The following TMEM100 variants were observed in gnomAD, a reference collection of about 807,000 sequenced individuals.
TMEM100 encodes the protein transmembrane protein 100.
For missense variants in TMEM100, 137 were observed against 168.2 expected (o/e 0.81, Z 1.02); for synonymous variants, 61 against 67.1 (o/e 0.91, Z 0.44).
chr17:55,720,431 T>C lies in TMEM100; in HGVS notation c.*235A>G. On this transcript the variant is annotated 3_prime_UTR_variant, in exon 2 of 2. Coordinates refer to ENST00000424486, the MANE Select transcript of TMEM100 (RefSeq NM_018286.3). ...CTCCCATGACCCCCAAAGTGTTTCA[T>C]GTAAATAGAAAGCTGATTTTTCAGT... The C allele has an allele frequency of 1.8e-6, 1 of 555,302 alleles. No homozygotes were observed. Among genetic ancestry groups the C allele is most frequent in the Non-Finnish European group, 3.1e-6 (1 of 321,162 alleles). 34.4% of individuals were successfully genotyped at this position (555,302 alleles called of 1,614,324 possible).
upstream of TMEM100, among the ~76,000 whole-genome samples, chr17:55,725,745 G>GTGTT (rs1909052868): frequency 7.2e-6 from 1 of 139,516 alleles, no homozygotes; most frequent in Non-Finnish European, 1.5e-5. Flanking sequence ...GTGTGTGTGT[G>GTGTT]TGTGTATACA....
At chr17:55,727,262 T>TG (rs1343542870), upstream of TMEM100, among the ~76,000 whole-genome samples, 2 of 152,220 alleles carry the variant, frequency 1.3e-5, no homozygotes, top group Non-Finnish European at 2.9e-5. Context: ...GCATCGCATT[T>TG]TATGTTTATG....
upstream of TMEM100, among the ~76,000 whole-genome samples, chr17:55,727,393 G>A (rs1366439410): frequency 2.0e-5 from 3 of 152,208 alleles, no homozygotes; most frequent in Admixed American, 2.0e-4. Context: ...CCCTTAGTGA[G>A]TGAGCTAAGG....
chr17:55,731,138 C>T (rs950784335), intron 1 of TMEM100, among the ~76,000 whole-genome samples: 1 of 152,154 alleles, frequency 6.6e-6, no homozygotes, highest in African/African-American at 2.4e-5. Context: ...ATGATGGACT[C>T]AGTAGTCTCA....
intron 1 of TMEM100, among the ~76,000 whole-genome samples, chr17:55,729,555 C>CA (rs1364971447): frequency 6.6e-6 from 1 of 151,932 alleles, no homozygotes; most frequent in Non-Finnish European, 1.5e-5. Context: ...TGTGAATTGT[C>CA]AAAAAATTCT....
intron 1 of TMEM100, among the ~76,000 whole-genome samples, chr17:55,728,748 C>T (rs73312374): frequency 0.025 from 3,818 of 152,210 alleles, 145 homozygotes; most frequent in African/African-American, 0.085. Flanking sequence ...GAATAACAAA[C>T]GGCTGTGGAA....
intron 1 of TMEM100, among the ~76,000 whole-genome samples, chr17:55,722,240 A>C (rs541024345): frequency 6.6e-6 from 1 of 152,382 alleles, no homozygotes; most frequent in African/African-American, 2.4e-5. Flanking sequence ...TCTAGCTGCT[A>C]CACAGTTGAG....
chr17:55,721,741 G>A (rs570663248), intron 1 of TMEM100: 20 of 152,102 alleles, frequency 1.3e-4, no homozygotes, highest in African/African-American at 4.1e-4. Flanking sequence ...CCCACTTTAG[G>A]TGGACAGTTC....
upstream of TMEM100, among the ~76,000 whole-genome samples, chr17:55,727,521 T>G (rs915990622): frequency 2.0e-5 from 3 of 152,196 alleles, no homozygotes; most frequent in African/African-American, 7.2e-5. Context: ...CCTGATAGCA[T>G]GGAGCCCTTT....
At chr17:55,731,990 A>C (rs775523480) in exon 1 of TMEM100, 1 of 152,298 alleles carries the variant, frequency 6.6e-6, no homozygotes, top group Non-Finnish European at 1.5e-5. Context: ...GACAGGACAC[A>C]GGAGCAGCCA....
chr17:55,720,643 G>A lies in TMEM100; in HGVS notation c.*23C>T. On this transcript the variant is annotated 3_prime_UTR_variant, in exon 2 of 2. Coordinates refer to ENST00000424486, the MANE Select transcript of TMEM100 (RefSeq NM_018286.3). ...TCAGAGCACGTTTTCCAGGCCCAAT[G>A]GCCCATTTGGTCGTATTCAGTCTCA... is the stretch of plus-strand genomic sequence containing the variant. 1 of 1,566,668 alleles carries A rather than the reference G, an allele frequency of 6.4e-7. No individual in the cohort carries two copies. The highest frequency in any genetic ancestry group is 1.4e-5 in the African/African-American group (1 of 73,342).
At chr17:55,728,789 CA>C (rs1909132548) in intron 1 of TMEM100, among the ~76,000 whole-genome samples, 1 of 152,106 alleles carries the variant, frequency 6.6e-6, no homozygotes, top group Non-Finnish European at 1.5e-5. Context: ...AATTCAGGCC[CA>C]GGGGTGTGTG....
intron 1 of TMEM100, among the ~76,000 whole-genome samples, chr17:55,729,156 A>G (rs1279968342): frequency 1.3e-5 from 2 of 152,220 alleles, no homozygotes; most frequent in East Asian, 1.9e-4. Flanking sequence ...GAGTGTTGGC[A>G]TGTCCTAGGG....
intron 1 of TMEM100, 80 bp downstream of exon 1, chr17:55,722,539 T>G (rs951205612): frequency 1.3e-5 from 2 of 152,182 alleles, no homozygotes; most frequent in African/African-American, 2.4e-5. Context: ...AGATTATGTC[T>G]GAAAAAAATA....
chr17:55,723,993 T>C (rs1402388992), upstream of TMEM100, among the ~76,000 whole-genome samples: 1 of 152,184 alleles, frequency 6.6e-6, no homozygotes, highest in Non-Finnish European at 1.5e-5. Context: ...GAAAAGATAA[T>C]ACTGGGAGCT....
At chr17:55,729,872 C>G (rs958152907) in intron 1 of TMEM100, among the ~76,000 whole-genome samples, 5 of 152,124 alleles carry the variant, frequency 3.3e-5, no homozygotes, top group African/African-American at 1.2e-4. Context: ...AAAATAAGCA[C>G]TACATAGATA....
upstream of TMEM100, among the ~76,000 whole-genome samples, chr17:55,727,255 T>C (rs1272228287): frequency 6.6e-6 from 1 of 152,242 alleles, no homozygotes; most frequent in African/African-American, 2.4e-5. Flanking sequence ...ACATTTTGCA[T>C]CGCATTTTAT....
chr17:55,728,917 G>C (rs1019520310), intron 1 of TMEM100, among the ~76,000 whole-genome samples: 2 of 152,218 alleles, frequency 1.3e-5, no homozygotes, highest in Admixed American at 1.3e-4. Flanking sequence ...CTGTATTCAA[G>C]CATAGCTTTG....
intron 1 of TMEM100, 55 bp from the exon 2 acceptor site, chr17:55,721,190 G>A: frequency 1.6e-6 from 2 of 1,242,972 alleles, no homozygotes; most frequent in Non-Finnish European, 2.2e-6. Context: ...CACCCTGTAA[G>A]CAGAAATGAA....
Sources: gnomAD v4.1 joint callset for allele counts (sites outside exome capture counted in the v4.1 genomes callset) on GRCh38, gnomAD v4.1.1 for gene constraint, MANE v1.5 for transcripts, NCBI Gene and HGNC (gene_info 2026-07-23, HGNC 2026-07-21) for gene names.